Variants in IQCM observed in about 807,000 individuals in gnomAD.
IQCM encodes the protein IQ motif containing M, also known as IQ domain-containing protein M.
Under a neutral mutation model 57.6 loss-of-function variants are expected in IQCM, and 45 were observed. That is an observed-to-expected ratio of 0.78 (90% CI 0.62 to 1.00). The LOEUF is 1.00. IQCM is among the 50% of genes least tolerant of loss of function. IQCM has a pLI of 0.00. For synonymous variants in IQCM, 148 were observed against 158.9 expected, an observed-to-expected ratio of 0.93 and a Z score of 0.51; for missense variants, 468 against 511.6, an observed-to-expected ratio of 0.91 and a Z score of 0.82.
chr4:149,629,783 A>G (rs1237422355), intron 7 of IQCM, among the ~76,000 whole-genome samples: 1 of 152,180 alleles, frequency 6.6e-6, no homozygotes, highest in Non-Finnish European at 1.5e-5. Flanking sequence ...AGAAAGCAAA[A>G]TGAATTTTAG....
intron 9 of IQCM, among the ~76,000 whole-genome samples, chr4:149,565,400 A>G (rs926437431): frequency 1.3e-5 from 2 of 152,164 alleles, no homozygotes; most frequent in Non-Finnish European, 2.9e-5. Flanking sequence ...CCAGCCACAA[A>G]GTCTCTGTTA....
At chr4:149,744,740 C>A (rs537325172) in intron 2 of IQCM, among the ~76,000 whole-genome samples, 1 of 151,888 alleles carries the variant, frequency 6.6e-6, no homozygotes, top group Non-Finnish European at 1.5e-5. Flanking sequence ...CAGACAGTTA[C>A]GAGATGCTGA....
At chr4:149,577,010 T>C (rs1751722733) in intron 9 of IQCM, among the ~76,000 whole-genome samples, 1 of 152,012 alleles carries the variant, frequency 6.6e-6, no homozygotes, top group African/African-American at 2.4e-5. Context: ...ATTTTTTATA[T>C]GCTCATTGGC....
intron 12 of IQCM, among the ~76,000 whole-genome samples, chr4:149,533,419 A>G (rs1746949325): frequency 6.6e-6 from 1 of 152,152 alleles, no homozygotes; most frequent in Non-Finnish European, 1.5e-5. Context: ...AGGGATCCAT[A>G]AGTTCTTTAT....
At chr4:149,676,762 A>G (rs1761783981) in intron 7 of IQCM, among the ~76,000 whole-genome samples, 1 of 152,090 alleles carries the variant, frequency 6.6e-6, no homozygotes, top group East Asian at 1.9e-4. Flanking sequence ...CTTGCCTTAT[A>G]TCTTATGTTC....
intron 8 of IQCM, among the ~76,000 whole-genome samples, chr4:149,612,075 C>T (rs1221213973): frequency 7.1e-6 from 1 of 141,208 alleles, no homozygotes; most frequent in Non-Finnish European, 1.5e-5. Context: ...TAGGGCACAT[C>T]TTACATGGGG....
chr4:149,726,310 A>T (rs1427718450), intron 5 of IQCM, among the ~76,000 whole-genome samples: 1 of 152,112 alleles, frequency 6.6e-6, no homozygotes, highest in Non-Finnish European at 1.5e-5. Flanking sequence ...TGAAAAAAAA[A>T]TTGAAGTAAT....
intron 5 of IQCM, among the ~76,000 whole-genome samples, chr4:149,725,872 AT>A (rs1445761274): frequency 1.3e-5 from 2 of 152,002 alleles, no homozygotes; most frequent in Non-Finnish European, 2.9e-5. Flanking sequence ...CTAAATTAAT[AT>A]TCTTGCTATC....
chr4:149,531,983 A>T (rs1451483663), intron 12 of IQCM, among the ~76,000 whole-genome samples: 4 of 152,080 alleles, frequency 2.6e-5, no homozygotes, highest in Non-Finnish European at 4.4e-5. Context: ...GCCACATAAG[A>T]GGGTAGCTTT....
chr4:149,608,111 A>G (rs1014540215), intron 8 of IQCM, among the ~76,000 whole-genome samples: 1 of 151,954 alleles, frequency 6.6e-6, no homozygotes, highest in Non-Finnish European at 1.5e-5. Context: ...CCAAAAAAAG[A>G]GTAGGAATGG....
chr4:149,762,226 C>T (rs2149965754), intron 2 of IQCM, among the ~76,000 whole-genome samples: 2 of 148,328 alleles, frequency 1.3e-5, no homozygotes, highest in Middle Eastern at 6.9e-3. Flanking sequence ...TAGGCATGCT[C>T]AGTGATGAAA....
At chr4:149,547,793 G>A (rs1029849849) in intron 12 of IQCM, among the ~76,000 whole-genome samples, 2 of 151,934 alleles carry the variant, frequency 1.3e-5, no homozygotes, top group Non-Finnish European at 2.9e-5. Flanking sequence ...ATTTTAATTT[G>A]TCAATTATAC....
intron 7 of IQCM, among the ~76,000 whole-genome samples, chr4:149,651,332 C>T (rs995480499): frequency 2.0e-5 from 3 of 152,126 alleles, no homozygotes; most frequent in African/African-American, 7.2e-5. Context: ...ACAGATAATT[C>T]ATATTTTTAG....
intron 8 of IQCM, among the ~76,000 whole-genome samples, chr4:149,606,025 C>A (rs1754746275): frequency 1.3e-5 from 2 of 152,182 alleles, no homozygotes; most frequent in Non-Finnish European, 2.9e-5. Context: ...ATAGGACAGA[C>A]CCAGTCTTGG....
At chr4:149,641,699 A>T (rs1206050983) in intron 7 of IQCM, among the ~76,000 whole-genome samples, 2 of 152,296 alleles carry the variant, frequency 1.3e-5, no homozygotes, top group East Asian at 3.9e-4. Context: ...AAAATTTAGA[A>T]CATTAAAATT....
intron 13 of IQCM, among the ~76,000 whole-genome samples, chr4:149,405,849 A>G (rs1168134981): frequency 6.9e-6 from 1 of 145,662 alleles, no homozygotes; most frequent in African/African-American, 2.5e-5. Flanking sequence ...ATATATATAT[A>G]TGCTCCAGAT....
chr4:149,581,977 T>G (rs1752226318), intron 9 of IQCM, among the ~76,000 whole-genome samples: 2 of 151,328 alleles, frequency 1.3e-5, no homozygotes, highest in African/African-American at 4.8e-5. Flanking sequence ...GGAGGTTTGG[T>G]GGGGAATTGT....
intron 2 of IQCM, among the ~76,000 whole-genome samples, chr4:149,810,053 A>G (rs1774418775): frequency 6.6e-6 from 1 of 152,064 alleles, no homozygotes; most frequent in Non-Finnish European, 1.5e-5. Context: ...TCCCTCGGTC[A>G]TAGATCAGCT....
chr4:149,715,032 T>C (rs545204723), intron 5 of IQCM, among the ~76,000 whole-genome samples: 263 of 152,276 alleles, frequency 1.7e-3, no homozygotes, highest in African/African-American at 5.2e-3. Context: ...AACTAAAAGT[T>C]CAGAAAGTGA....
Sources: allele counts gnomAD v4.1 joint callset (sites outside exome capture counted in the v4.1 genomes callset), GRCh38; gene constraint gnomAD v4.1.1; transcripts MANE v1.5; gene names NCBI Gene and HGNC (gene_info 2026-07-23, HGNC 2026-07-21).